Variants in PLCE1 observed in about 807,000 individuals in gnomAD.
PLCE1 encodes 1-phosphatidylinositol 4,5-bisphosphate phosphodiesterase epsilon-1.
PLCE1 carries 119 observed loss-of-function variants against 242.8 expected under a neutral mutation model. That is an observed-to-expected ratio of 0.49 (90% confidence interval 0.42 to 0.57). PLCE1 has a LOEUF of 0.57. Among genes scored for constraint, PLCE1 ranks in the 20% least tolerant of loss-of-function variants. The pLI, the probability that PLCE1 is intolerant of heterozygous loss-of-function variation, is 0.00. For synonymous variants in PLCE1, 945 were observed against 1,017.4 expected (o/e 0.93, Z 1.35); for missense variants, 2,441 against 2,788.8 (o/e 0.88, Z 2.81).
chr10:94,041,613 G>A (rs989779947), intron 2 of PLCE1, among the ~76,000 whole-genome samples: 11 of 152,096 alleles, frequency 7.2e-5, no homozygotes, highest in African/African-American at 2.7e-4. Flanking sequence ...CACGCCTCCC[G>A]ATCTCAAGAC....
At chr10:94,150,117 G>A (rs919285223) in intron 3 of PLCE1, among the ~76,000 whole-genome samples, 7 of 152,138 alleles carry the variant, frequency 4.6e-5, no homozygotes, top group South Asian at 2.1e-4. Flanking sequence ...ACACACTCCC[G>A]ATGTATATGA....
intron 2 of PLCE1, among the ~76,000 whole-genome samples, chr10:94,106,792 C>T (rs1408866152): frequency 6.6e-6 from 1 of 151,958 alleles, no homozygotes; most frequent in African/African-American, 2.4e-5. Flanking sequence ...AGCTCATATT[C>T]TCTGCTTGTC....
chr10:94,249,114 C>T (rs2050787213), intron 8 of PLCE1, among the ~76,000 whole-genome samples: 1 of 152,142 alleles, frequency 6.6e-6, no homozygotes, highest in South Asian at 2.1e-4. Flanking sequence ...TCATACTCAA[C>T]CACTTCTGAA....
intron 2 of PLCE1, among the ~76,000 whole-genome samples, chr10:94,089,823 T>C (rs2044993115): frequency 6.6e-6 from 1 of 152,242 alleles, no homozygotes; most frequent in African/African-American, 2.4e-5. Context: ...CTTTCTTTTT[T>C]ACCTTTTGGC....
chr10:94,197,366 G>A (rs2048852607), intron 4 of PLCE1, among the ~76,000 whole-genome samples: 1 of 152,044 alleles, frequency 6.6e-6, no homozygotes, highest in African/African-American at 2.4e-5. Flanking sequence ...GGAATTGCTG[G>A]GTCATACAAC....
intron 3 of PLCE1, among the ~76,000 whole-genome samples, chr10:94,168,376 T>A (rs1312577925): frequency 1.3e-5 from 2 of 152,248 alleles, no homozygotes; most frequent in Admixed American, 1.3e-4. Flanking sequence ...GGATGTTTTT[T>A]GTGGTACACA....
chr10:94,268,904 G>A (rs1470312702), intron 16 of PLCE1, 25 bp from the exon 17 acceptor site: 3 of 1,375,852 alleles, frequency 2.2e-6, no homozygotes, highest in Non-Finnish European at 3.1e-6. Flanking sequence ...CTCACCTGGG[G>A]TGGATTCGCT....
At chr10:94,082,601 A>G (rs2044685201) in intron 2 of PLCE1, among the ~76,000 whole-genome samples, 1 of 152,214 alleles carries the variant, frequency 6.6e-6, no homozygotes, top group Non-Finnish European at 1.5e-5. Context: ...ATCATATATC[A>G]GAGCCCAGCA....
At chr10:94,005,219 T>C (rs1002118090) in intron 1 of PLCE1, among the ~76,000 whole-genome samples, 7 of 152,184 alleles carry the variant, frequency 4.6e-5, no homozygotes, top group Non-Finnish European at 1.0e-4. Flanking sequence ...AGACAGCAAA[T>C]GCTCACCTTG....
chr10:94,260,678 A>T (rs1272739496), intron 13 of PLCE1, among the ~76,000 whole-genome samples: 1 of 150,942 alleles, frequency 6.6e-6, no homozygotes, highest in African/African-American at 2.4e-5. Flanking sequence ...TTTATTTTAA[A>T]ATATTATTAT....
chr10:94,015,941 A>G (rs2061270756), intron 1 of PLCE1, among the ~76,000 whole-genome samples: 1 of 152,228 alleles, frequency 6.6e-6, no homozygotes, highest in Non-Finnish European at 1.5e-5. Flanking sequence ...TACCTACCAC[A>G]TAGTGGGTGT....
intron 23 of PLCE1, among the ~76,000 whole-genome samples, chr10:94,297,590 TAAAAAAAAAAAAAAAAAAAAAA>T (rs71031568): frequency 0.079 from 4,481 of 56,680 alleles, 330 homozygotes; most frequent in African/African-American, 0.22. Flanking sequence ...TTTAAATTTG[TAAAAAAAAAAAAAAAAAAAAAA>T]AAAAAAAAAA....
chr10:94,101,964 G>T (rs2045554607), intron 2 of PLCE1, among the ~76,000 whole-genome samples: 1 of 152,176 alleles, frequency 6.6e-6, no homozygotes, highest in Non-Finnish European at 1.5e-5. Context: ...GAACCACTCG[G>T]ATGAGTGGGG....
intron 2 of PLCE1, 77 bp downstream of exon 2, chr10:94,032,329 C>A: frequency 7.6e-7 from 1 of 1,314,724 alleles, no homozygotes. Flanking sequence ...TTTCCATTGT[C>A]ATAATTGATG....
At chr10:94,074,441 G>A (rs933274880) in intron 2 of PLCE1, among the ~76,000 whole-genome samples, 6 of 152,070 alleles carry the variant, frequency 3.9e-5, no homozygotes, top group African/African-American at 1.4e-4. Context: ...CTGAGCTCAA[G>A]CTATCCTCCA....
chr10:94,214,982 C>T (rs965987785), intron 4 of PLCE1, among the ~76,000 whole-genome samples: 1 of 152,142 alleles, frequency 6.6e-6, no homozygotes, highest in African/African-American at 2.4e-5. Flanking sequence ...TGGGTCCAGC[C>T]CATTCCAGTG....
chr10:94,250,889 T>C (rs1020037439), intron 8 of PLCE1, among the ~76,000 whole-genome samples: 1 of 152,252 alleles, frequency 6.6e-6, no homozygotes, highest in Non-Finnish European at 1.5e-5. Flanking sequence ...GTTTCATTCA[T>C]GAAATGTTTA....
intron 2 of PLCE1, among the ~76,000 whole-genome samples, chr10:94,086,795 T>G (rs964179940): frequency 6.6e-6 from 1 of 152,212 alleles, no homozygotes; most frequent in African/African-American, 2.4e-5. Context: ...CAGTCCCTAT[T>G]TGTCCCCTTG....
chr10:94,278,789 ATATT>A (rs1456964239), intron 19 of PLCE1, among the ~76,000 whole-genome samples: 2 of 151,998 alleles, frequency 1.3e-5, no homozygotes, highest in African/African-American at 4.8e-5. Flanking sequence ...AATTATATGT[ATATT>A]TATATAGTGT....
Sources: allele counts gnomAD v4.1 joint callset (sites outside exome capture counted in the v4.1 genomes callset), GRCh38; gene constraint gnomAD v4.1.1; transcripts MANE v1.5; gene names NCBI Gene and HGNC (gene_info 2026-07-23, HGNC 2026-07-21).